The following SLC30A8 variants were observed in gnomAD, a reference collection of about 807,000 sequenced individuals.
SLC30A8 encodes the protein solute carrier family 30 member 8, also known as proton-coupled zinc antiporter SLC30A8.
Under a neutral mutation model 36.9 loss-of-function variants are expected in SLC30A8, and 27 were observed. The ratio of observed to expected loss-of-function variants is 0.73; its 90% CI spans 0.54 to 1.01. The LOEUF (loss-of-function observed/expected upper bound fraction) is 1.01. Ranked by LOEUF, SLC30A8 falls within the 50% of genes least tolerant of loss-of-function variation. The pLI is 0.00. For missense variants in SLC30A8, 439 were observed against 452.0 expected, an observed-to-expected ratio of 0.97 and a Z score of 0.26; for synonymous variants, 164 against 172.4, an observed-to-expected ratio of 0.95 and a Z score of 0.38.
intron 2 of SLC30A8, among the ~76,000 whole-genome samples, chr8:117,088,745 C>T (rs541377161): frequency 6.6e-6 from 1 of 152,340 alleles, no homozygotes; most frequent in East Asian, 1.9e-4. Context: ...ACCCCGTGTG[C>T]ACGTAGACCC....
chr8:117,170,230 C>T (rs189111411), intron 6 of SLC30A8, among the ~76,000 whole-genome samples: 2 of 152,294 alleles, frequency 1.3e-5, no homozygotes, highest in African/African-American at 4.8e-5. Flanking sequence ...GAAAACCACT[C>T]TGAAAGACTC....
chr8:117,072,036 T>G (rs2130800008), intron 2 of SLC30A8, among the ~76,000 whole-genome samples: 1 of 152,262 alleles, frequency 6.6e-6, no homozygotes, highest in Admixed American at 6.5e-5. Flanking sequence ...TTCCAATTGG[T>G]TTTGGTTTAT....
chr8:117,040,194 T>C (rs1204218011), intron 2 of SLC30A8, among the ~76,000 whole-genome samples: 1 of 152,254 alleles, frequency 6.6e-6, no homozygotes, highest in East Asian at 1.9e-4. Flanking sequence ...CTCTTAGATA[T>C]CTTCTCATAC....
chr8:116,999,506 C>T (rs1236487270), intron 1 of SLC30A8, among the ~76,000 whole-genome samples: 1 of 152,048 alleles, frequency 6.6e-6, no homozygotes. Context: ...CAAGCCCAAA[C>T]CAAAAGGCTT....
rs1481111745 is a variant in SLC30A8 at position 117,163,462 on chromosome 8, T to C, written c.761T>C (p.Ile254Thr). 1 of 1,613,574 alleles carries C rather than the reference T, an allele frequency of 6.2e-7. No individual in the cohort carries two copies. Among genetic ancestry groups the C allele is most frequent in the Non-Finnish European group, 8.5e-7 (1 of 1,179,750 alleles). ...ATAGCCGACCCAATCTGCACATTCA[T>C]CTTTTCCATCCTGGTCTTGGCCAGC... ...YKIADPICTF[I>T]FSILVLASTI... Residue 254 changes from isoleucine (I) to threonine (T), a missense_variant, in exon 6 of 8, where the codon ATC (isoleucine) becomes ACC (threonine). Coordinates refer to ENST00000456015, the MANE Select transcript of SLC30A8 (RefSeq NM_173851.3).
intron 2 of SLC30A8, among the ~76,000 whole-genome samples, chr8:117,112,347 C>T (rs1820265533): frequency 6.6e-6 from 1 of 152,158 alleles, no homozygotes; most frequent in African/African-American, 2.4e-5. Flanking sequence ...ATCCCTTACT[C>T]TTAATAAAGC....
intron 2 of SLC30A8, among the ~76,000 whole-genome samples, chr8:117,090,060 C>T (rs1819044785): frequency 2.0e-5 from 3 of 152,182 alleles, no homozygotes; most frequent in Non-Finnish European, 2.9e-5. Flanking sequence ...GCAACCTCTG[C>T]CTCCCAGGTT....
At position 117,172,807 on chromosome 8, in the gene SLC30A8, T is replaced by A. The variant is rs896451823; in HGVS notation, c.*126T>A. 10 of 1,094,270 alleles carry A rather than the reference T, an allele frequency of 9.1e-6. No homozygotes were observed. In the African/African-American group the frequency reaches 1.6e-4, roughly 17 times the overall value. The allele number at this position is 1,094,270 out of a possible 1,614,324, so 67.8% of individuals were successfully genotyped here. The stretch of plus-strand genomic sequence containing the variant: ...TCATGTCATGGTGCAATGCACATTT[T>A]ATCTATTTATTTAGTTCCATTCACC... On this transcript the variant is annotated 3_prime_UTR_variant, in exon 8 of 8. Transcript: ENST00000456015.
chr8:117,096,646 A>C (rs1446173679), intron 2 of SLC30A8, among the ~76,000 whole-genome samples: 1 of 152,192 alleles, frequency 6.6e-6, no homozygotes, highest in Non-Finnish European at 1.5e-5. Flanking sequence ...TTGACACCTC[A>C]TATTTGGTAA....
chr8:116,983,497 T>G (rs1052796183), intron 1 of SLC30A8, among the ~76,000 whole-genome samples: 4 of 152,186 alleles, frequency 2.6e-5, no homozygotes, highest in Non-Finnish European at 4.4e-5. Flanking sequence ...ACTGGTGTGT[T>G]AAATTTTCCC....
chr8:117,073,410 T>A (rs1586470637), intron 2 of SLC30A8, among the ~76,000 whole-genome samples: 1 of 152,032 alleles, frequency 6.6e-6, no homozygotes, highest in African/African-American at 2.4e-5. Flanking sequence ...TGTGCCATCA[T>A]GCCCAGCTAA....
chr8:117,152,288 T>C (rs1278121761), intron 2 of SLC30A8, among the ~76,000 whole-genome samples: 4 of 151,898 alleles, frequency 2.6e-5, no homozygotes, highest in African/African-American at 9.7e-5. Flanking sequence ...TAGAGGGAAG[T>C]AGAGGGAGCA....
chr8:117,032,397 G>A (rs1056941743), intron 1 of SLC30A8, among the ~76,000 whole-genome samples: 6 of 152,050 alleles, frequency 3.9e-5, no homozygotes, highest in Admixed American at 3.3e-4. Flanking sequence ...ATAAAAAGGT[G>A]TAAAAAAGAT....
chr8:117,123,528 CTTT>C (rs1422740370), intron 2 of SLC30A8, among the ~76,000 whole-genome samples: 1 of 151,964 alleles, frequency 6.6e-6, no homozygotes, highest in Non-Finnish European at 1.5e-5. Flanking sequence ...TTGTGAGATA[CTTT>C]TTGTGTGAAG....
intron 6 of SLC30A8, among the ~76,000 whole-genome samples, chr8:117,169,318 T>C (rs1440476748): frequency 6.6e-6 from 1 of 152,176 alleles, no homozygotes; most frequent in Admixed American, 6.5e-5. Flanking sequence ...TGTTCCATTA[T>C]TGGAATGCTA....
chr8:117,094,458 T>C (rs570028584), intron 2 of SLC30A8, among the ~76,000 whole-genome samples: 113 of 152,282 alleles, frequency 7.4e-4, no homozygotes, highest in African/African-American at 2.4e-3. Flanking sequence ...AATGGGCCGC[T>C]CCTCTCTGCA....
At chr8:117,118,701 C>A (rs1820557124) in intron 2 of SLC30A8, among the ~76,000 whole-genome samples, 1 of 151,828 alleles carries the variant, frequency 6.6e-6, no homozygotes, top group Non-Finnish European at 1.5e-5. Context: ...ATAGCCATTC[C>A]AAGTGTGTCT....
At chr8:117,069,840 C>A (rs2037158365) in intron 2 of SLC30A8, among the ~76,000 whole-genome samples, 1 of 152,186 alleles carries the variant, frequency 6.6e-6, no homozygotes, top group South Asian at 2.1e-4. Flanking sequence ...ACTGGCAGTG[C>A]AGTCTGCCTA....
At chr8:117,142,397 G>C (rs1361563751) in intron 1 of SLC30A8, among the ~76,000 whole-genome samples, 1 of 152,092 alleles carries the variant, frequency 6.6e-6, no homozygotes, top group East Asian at 1.9e-4. Flanking sequence ...TTAGAAATGT[G>C]AACCATGTAA....
Sources: allele counts gnomAD v4.1 joint callset (sites outside exome capture counted in the v4.1 genomes callset), GRCh38; gene constraint gnomAD v4.1.1; transcripts MANE v1.5; gene names NCBI Gene and HGNC (gene_info 2026-07-23, HGNC 2026-07-21).